The following MTCL2 variants were observed in gnomAD, a reference collection of about 807,000 sequenced individuals.
MTCL2 encodes the protein microtubule crosslinking factor 2.
At chr20:36,862,615 C>T in the MTCL2 span, 2 of 1,458,438 alleles carry the variant, frequency 1.4e-6, no homozygotes, top group African/African-American at 1.4e-5. Flanking sequence ...ACTGTGACAG[C>T]CGGCGACCCC....
chr20:36,803,889 G>A, the MTCL2 span, among the ~76,000 whole-genome samples: 11 of 148,208 alleles, frequency 7.4e-5, no homozygotes, highest in Middle Eastern at 3.3e-3. Flanking sequence ...CCCGGGAGGC[G>A]GAGGTTGCAG....
chr20:36,799,614 C>T, the MTCL2 span, among the ~76,000 whole-genome samples: 7 of 151,966 alleles, frequency 4.6e-5, no homozygotes, highest in Non-Finnish European at 8.8e-5. Flanking sequence ...GCCTGGGAGG[C>T]GGAGGTTGCA....
chr20:36,803,568 T>C, the MTCL2 span, among the ~76,000 whole-genome samples: 1 of 151,878 alleles, frequency 6.6e-6, no homozygotes, highest in Non-Finnish European at 1.5e-5. Context: ...CCGTGGAATA[T>C]GCAGATGGAG....
chr20:36,833,928 C>T, the MTCL2 span, among the ~76,000 whole-genome samples: 1 of 152,038 alleles, frequency 6.6e-6, no homozygotes. Context: ...TTTGGGAGGC[C>T]GAGGCCGGCA....
the MTCL2 span, chr20:36,804,960 T>A: frequency 6.3e-7 from 1 of 1,580,476 alleles, no homozygotes; most frequent in Non-Finnish European, 8.6e-7. Context: ...GAGGGGAACC[T>A]GGGTTCAGAG....
chr20:36,793,618 G>C, the MTCL2 span: 1 of 1,551,410 alleles, frequency 6.4e-7, no homozygotes, highest in Non-Finnish European at 8.7e-7. The surrounding 1 kb of genome is among the most constrained non-coding windows in gnomAD (Gnocchi z 6.8). Context: ...GTCCATCGTT[G>C]ATGTTTCTCA....
chr20:36,857,016 G>A, the MTCL2 span, among the ~76,000 whole-genome samples: 1,272 of 152,340 alleles, frequency 8.3e-3, 7 homozygotes, highest in African/African-American at 0.027. Flanking sequence ...TGTAAGCCTC[G>A]GGTAGGTGTG....
At chr20:36,817,551 C>T in the MTCL2 span, 1 of 1,391,618 alleles carries the variant, frequency 7.2e-7, no homozygotes, top group African/African-American at 1.5e-5. Context: ...AGAGCTGTCA[C>T]AGTGCCCAGG....
chr20:36,794,756 C>T, the MTCL2 span: 1 of 871,626 alleles, frequency 1.1e-6, no homozygotes, highest in Non-Finnish European at 1.8e-6. The surrounding 1 kb of genome is among the most constrained non-coding windows in gnomAD (Gnocchi z 5.4). Flanking sequence ...GTCCCACATT[C>T]TGTCTGCATT....
chr20:36,784,255 A>G, the MTCL2 span: 23 of 986,020 alleles, frequency 2.3e-5, no homozygotes, highest in Non-Finnish European at 2.8e-5. Context: ...AGCATCCAAG[A>G]GCGGAACTGG....
the MTCL2 span, among the ~76,000 whole-genome samples, chr20:36,821,361 A>C: frequency 1.3e-5 from 2 of 152,058 alleles, no homozygotes; most frequent in African/African-American, 2.4e-5. Flanking sequence ...GTCTCTACTA[A>C]AAATACAAAA....
the MTCL2 span, among the ~76,000 whole-genome samples, chr20:36,827,357 C>T: frequency 2.0e-4 from 23 of 116,350 alleles, no homozygotes; most frequent in African/African-American, 2.6e-4. Flanking sequence ...CTGGACCCCC[C>T]TTTTTTTTTT....
the MTCL2 span, among the ~76,000 whole-genome samples, chr20:36,814,623 A>G: frequency 6.6e-6 from 1 of 152,186 alleles, no homozygotes; most frequent in Non-Finnish European, 1.5e-5. Flanking sequence ...ACAGTGGCTC[A>G]CACCTGTAAT....
chr20:36,821,201 A>G, the MTCL2 span, among the ~76,000 whole-genome samples: 1 of 152,172 alleles, frequency 6.6e-6, no homozygotes. Context: ...TGCTTCACTG[A>G]GTTTATATTA....
At chr20:36,796,751 A>T in the MTCL2 span, 1 of 822,706 alleles carries the variant, frequency 1.2e-6, no homozygotes, top group Non-Finnish European at 2.0e-6. Flanking sequence ...GGCGGCAGGA[A>T]GAGGGCAAAG....
the MTCL2 span, chr20:36,786,756 G>A: frequency 4.1e-6 from 4 of 984,656 alleles, no homozygotes; most frequent in Admixed American, 5.4e-5. Flanking sequence ...AGTTCCCAGG[G>A]GCTGAAGCTC....
chr20:36,849,976 C>T, the MTCL2 span, among the ~76,000 whole-genome samples: 1 of 152,062 alleles, frequency 6.6e-6, no homozygotes, highest in Non-Finnish European at 1.5e-5. Flanking sequence ...CATGAGGCTC[C>T]CAAAGGCAGG....
chr20:36,863,071 G>C, the MTCL2 span: 1 of 1,402,836 alleles, frequency 7.1e-7, no homozygotes, highest in South Asian at 1.4e-5. The surrounding 1 kb of genome is among the most constrained non-coding windows in gnomAD (Gnocchi z 6.2). Context: ...ACCCCGGTGC[G>C]GACCCCGGCC....
the MTCL2 span, among the ~76,000 whole-genome samples, chr20:36,840,739 G>C: frequency 6.6e-6 from 1 of 151,790 alleles, no homozygotes; most frequent in Non-Finnish European, 1.5e-5. Context: ...CCAGCTACTC[G>C]GGAGGCTGAG....
Sources: gnomAD v4.1 joint callset for allele counts (sites outside exome capture counted in the v4.1 genomes callset) on GRCh38, gnomAD v4.1.1 for gene constraint, Gnocchi (gnomAD v3.1) non-coding constraint, MANE v1.5 for transcripts, NCBI Gene and HGNC (gene_info 2026-07-23, HGNC 2026-07-21) for gene names.